The following WDFY3 variants were observed in gnomAD, a reference collection of about 807,000 sequenced individuals.
The protein encoded by WDFY3 is WD repeat and FYVE domain-containing protein 3.
WDFY3 carries 66 observed loss-of-function variants against 409.6 expected under a neutral mutation model. The observed-to-expected ratio is 0.16, with a 90% CI of 0.13 to 0.20. The LOEUF (loss-of-function observed/expected upper bound fraction) is 0.20, where lower values mean the gene tolerates loss of function less well. WDFY3 is among the 10% of genes least tolerant of loss of function. The pLI is 1.00. For missense variants in WDFY3, 3,031 were observed against 4,298.1 expected (o/e 0.71, Z 8.24); for synonymous variants, 1,521 against 1,537.1 (o/e 0.99, Z 0.25).
At chr4:84,676,111 A>G (rs1215634078) in intron 67 of WDFY3, among the ~76,000 whole-genome samples, 2 of 152,206 alleles carry the variant, frequency 1.3e-5, no homozygotes, top group Non-Finnish European at 2.9e-5. Flanking sequence ...GATGACAGAA[A>G]AAACATATAC....
chr4:84,688,149 T>G lies in WDFY3; in HGVS notation c.9480A>C (p.Ser3160=), dbSNP rs997457590. The G allele has an allele frequency of 6.2e-7, 1 of 1,614,138 alleles. No individual in the cohort carries two copies. The highest frequency in any genetic ancestry group is 1.7e-5 in the Admixed American group (1 of 59,996). The change falls in exon 62 of 68, where the codon TCA becomes TCC. Residue 3160 remains serine (S), a synonymous_variant. Transcript: ENST00000295888. ...TCIIWDLNKL[S]FLTQLRGHRA... is the part of the protein sequence containing the mutation. ...GATGCCCTCGAAGCTGGGTTAGAAA[T>G]GACAGTTTGTTCAAATCCCAAATGA...
At chr4:84,810,715 G>C (rs1476235857) in intron 13 of WDFY3, among the ~76,000 whole-genome samples, 1 of 152,146 alleles carries the variant, frequency 6.6e-6, no homozygotes, top group Admixed American at 6.5e-5. Flanking sequence ...TTATGACTGT[G>C]TGTATACAAA....
chr4:84,863,627 C>G (rs1357744726), intron 3 of WDFY3, among the ~76,000 whole-genome samples: 1 of 152,154 alleles, frequency 6.6e-6, no homozygotes, highest in Non-Finnish European at 1.5e-5. Context: ...TTACCTACAC[C>G]AATATCATGA....
At position 84,877,409 on chromosome 4, in the gene WDFY3, T is replaced by C. The variant is rs538599950; in HGVS notation, c.-31-16787A>G. 7.9e-5 allele frequency among the ~76,000 whole-genome samples: 12 copies of C among 152,194 alleles called. No individual in the cohort carries two copies. The East Asian group carries it at 1.7e-3, about 22-fold the overall frequency. On this transcript the variant is annotated intron_variant, in intron 3 of 67. Transcript: ENST00000295888. ...AGTGCAGTTACATGATCAGGGCTCA[T>C]TGCAGCCTCCATCTCCTGGGCTCAA...
chr4:84,779,281 C>T (rs1746097744), intron 26 of WDFY3, among the ~76,000 whole-genome samples: 1 of 152,174 alleles, frequency 6.6e-6, no homozygotes, highest in African/African-American at 2.4e-5. Context: ...ACAGTATATT[C>T]ATTATCAATA....
chr4:84,963,065 G>T (rs956845263), intron 1 of WDFY3, among the ~76,000 whole-genome samples: 14 of 149,752 alleles, frequency 9.3e-5, no homozygotes, highest in African/African-American at 3.4e-4. Flanking sequence ...CAGGAAGGCA[G>T]ATTTTGACTC....
intron 36 of WDFY3, among the ~76,000 whole-genome samples, chr4:84,747,609 T>C (rs926785807): frequency 6.6e-6 from 1 of 152,128 alleles, no homozygotes; most frequent in Admixed American, 6.5e-5. Context: ...GTAGCTCCCA[T>C]AATCCCCACA....
intron 42 of WDFY3, among the ~76,000 whole-genome samples, chr4:84,735,378 T>A (rs1347204139): frequency 6.6e-6 from 1 of 152,164 alleles, no homozygotes; most frequent in Non-Finnish European, 1.5e-5. Flanking sequence ...CCCTCAGGGA[T>A]GGCCTTAGCT....
intron 1 of WDFY3, among the ~76,000 whole-genome samples, chr4:84,964,390 G>A (rs552114760): frequency 6.6e-6 from 1 of 152,276 alleles, no homozygotes; most frequent in South Asian, 2.1e-4. Flanking sequence ...GATCACTCGG[G>A]CCCAGAAGTT....
intron 3 of WDFY3, among the ~76,000 whole-genome samples, chr4:84,884,335 T>C (rs1454595652): frequency 6.6e-6 from 1 of 152,122 alleles, no homozygotes; most frequent in Admixed American, 6.6e-5. Flanking sequence ...CACTTGATTT[T>C]AATTTTTGAC....
intron 3 of WDFY3, among the ~76,000 whole-genome samples, chr4:84,888,935 T>C (rs969145908): frequency 4.6e-5 from 7 of 152,192 alleles, no homozygotes; most frequent in African/African-American, 1.7e-4. Context: ...TTTTTTATCT[T>C]CTTTTCTTCT....
At chr4:84,828,000 A>G (rs1251387128) in intron 9 of WDFY3, among the ~76,000 whole-genome samples, 2 of 148,288 alleles carry the variant, frequency 1.3e-5, no homozygotes, top group Admixed American at 1.4e-4. Flanking sequence ...AGATAGGAGG[A>G]TCTCTTGAGT....
chr4:84,866,337 G>C (rs1470531817), intron 3 of WDFY3, among the ~76,000 whole-genome samples: 4 of 152,174 alleles, frequency 2.6e-5, no homozygotes, highest in Non-Finnish European at 5.9e-5. Context: ...GGGGGCAAGA[G>C]ATCTAAGGCC....
At chr4:84,954,484 T>C (rs1173247537) in intron 1 of WDFY3, among the ~76,000 whole-genome samples, 1 of 152,152 alleles carries the variant, frequency 6.6e-6, no homozygotes, top group Non-Finnish European at 1.5e-5. Flanking sequence ...CAGGCTTTAA[T>C]CAAAGAAATC....
At chr4:84,792,554 T>C (rs188975004) in intron 21 of WDFY3, among the ~76,000 whole-genome samples, 6 of 152,222 alleles carry the variant, frequency 3.9e-5, no homozygotes, top group Non-Finnish European at 8.8e-5. Flanking sequence ...AACTGGTTTA[T>C]GACAACTCCT....
intron 45 of WDFY3, 145 bp from the exon 46 acceptor site, chr4:84,724,739 C>G: frequency 1.3e-6 from 1 of 769,804 alleles, no homozygotes; most frequent in Non-Finnish European, 1.8e-6. Flanking sequence ...TAAATCCACA[C>G]TTTTGGGTTA....
At chr4:84,781,729 C>T (rs1010508355) in intron 25 of WDFY3, among the ~76,000 whole-genome samples, 1 of 152,186 alleles carries the variant, frequency 6.6e-6, no homozygotes, top group Non-Finnish European at 1.5e-5. Flanking sequence ...TTACTGCTCA[C>T]TGCTCTTTCC....
intron 1 of WDFY3, among the ~76,000 whole-genome samples, chr4:84,951,534 C>T (rs1773610498): frequency 1.3e-5 from 2 of 152,194 alleles, no homozygotes; most frequent in South Asian, 2.1e-4. Flanking sequence ...ACAATACTTA[C>T]TTCTGCTACT....
chr4:84,920,059 A>T (rs530506863), intron 2 of WDFY3, among the ~76,000 whole-genome samples: 1 of 152,240 alleles, frequency 6.6e-6, no homozygotes, highest in Non-Finnish European at 1.5e-5. Context: ...ACAAAAAATA[A>T]GAAAACGAAC....
Sources: allele counts gnomAD v4.1 joint callset (sites outside exome capture counted in the v4.1 genomes callset), GRCh38; gene constraint gnomAD v4.1.1; transcripts MANE v1.5; gene names NCBI Gene and HGNC (gene_info 2026-07-23, HGNC 2026-07-21).